The following PPARGC1A variants were observed in gnomAD, a reference collection of about 807,000 sequenced individuals.
PPARGC1A encodes peroxisome proliferator-activated receptor gamma coactivator 1-alpha.
PPARGC1A carries 25 observed loss-of-function variants against 88.7 expected under a neutral mutation model. The observed-to-expected ratio is 0.28, with a 90% CI of 0.21 to 0.39. The LOEUF (loss-of-function observed/expected upper bound fraction) is 0.39, where lower values mean the gene tolerates loss of function less well. Among genes scored for constraint, PPARGC1A ranks in the 10% least tolerant of loss-of-function variants. The pLI is 1.00. For missense variants in PPARGC1A, 880 were observed against 968.7 expected (o/e 0.91, Z 1.22); for synonymous variants, 363 against 355.6 (o/e 1.02, Z -0.24).
At chr4:24,184,575 A>G in the PPARGC1A span, among the ~76,000 whole-genome samples, 265 of 152,346 alleles carry the variant, frequency 1.7e-3, 3 homozygotes, top group Non-Finnish European at 4.6e-4. Context: ...CAGGTATTCA[A>G]TAAATATTAG....
the PPARGC1A span, among the ~76,000 whole-genome samples, chr4:24,086,015 G>T: frequency 6.6e-6 from 1 of 152,126 alleles, no homozygotes; most frequent in African/African-American, 2.4e-5. Flanking sequence ...CTCTGTGTTT[G>T]TTAACTATCA....
the PPARGC1A span, among the ~76,000 whole-genome samples, chr4:23,910,238 T>C: frequency 2.8e-5 from 3 of 106,854 alleles, no homozygotes; most frequent in Non-Finnish European, 5.4e-5. Context: ...TTATATATAA[T>C]ATATATAAAT....
the PPARGC1A span, among the ~76,000 whole-genome samples, chr4:24,195,519 T>C: frequency 1.3e-5 from 2 of 152,202 alleles, no homozygotes; most frequent in Non-Finnish European, 2.9e-5. Flanking sequence ...TCTGTTTTAC[T>C]TGTTTAAGAA....
chr4:24,291,168 T>G, the PPARGC1A span, among the ~76,000 whole-genome samples: 1 of 152,166 alleles, frequency 6.6e-6, no homozygotes, highest in Non-Finnish European at 1.5e-5. Flanking sequence ...AGGAATTAGG[T>G]GCCCAGTGTC....
the PPARGC1A span, among the ~76,000 whole-genome samples, chr4:24,281,088 A>G: frequency 6.6e-6 from 1 of 152,226 alleles, no homozygotes; most frequent in East Asian, 1.9e-4. Context: ...ATTAGGAACT[A>G]GAAGGAGGTA....
intron 10 of PPARGC1A, among the ~76,000 whole-genome samples, chr4:23,805,849 T>C (rs956192093): frequency 6.6e-6 from 1 of 152,118 alleles, no homozygotes; most frequent in Non-Finnish European, 1.5e-5. Context: ...ACTACCATTA[T>C]GGGAATAAAC....
intron 1 of PPARGC1A, chr4:23,889,226 C>T (rs983887243): frequency 1.0e-6 from 1 of 985,300 alleles, no homozygotes; most frequent in Admixed American, 6.1e-5. Context: ...CTCCGTGGTA[C>T]AGGAAGATTT....
chr4:24,143,064 CT>C, the PPARGC1A span, among the ~76,000 whole-genome samples: 3 of 152,102 alleles, frequency 2.0e-5, no homozygotes, highest in African/African-American at 2.4e-5. Flanking sequence ...TGCAGTGAAA[CT>C]ATACCAATTG....
chr4:23,838,907 TA>T (rs35695071), intron 2 of PPARGC1A, among the ~76,000 whole-genome samples: 1 of 151,858 alleles, frequency 6.6e-6, no homozygotes, highest in Non-Finnish European at 1.5e-5. Flanking sequence ...TAGTTGACTA[TA>T]AAAAAATGTA....
In PPARGC1A at chr4:23,831,594, C is replaced by A; in HGVS notation, c.392G>T (p.Gly131Val). 6.2e-7 allele frequency: 1 copy of A among 1,614,064 alleles called. No homozygotes were observed. ...TTCTGCCTCCTGGGGTGGAGGGGTG[C>A]CGTCAGGCATGGAGGAAGGACTAGC... The part of the protein sequence containing the change: ...NEASPSSMPD[G>V]TPPPQEAEEP... Residue 131 changes from glycine to valine, a missense_variant, in exon 3 of 13, where the codon GGC becomes GTC. By Grantham distance (109) the Gly-to-Val change is moderately radical. Transcript: ENST00000264867.
intron 10 of PPARGC1A, among the ~76,000 whole-genome samples, chr4:23,806,202 G>C (rs567128938): frequency 6.6e-6 from 1 of 152,234 alleles, no homozygotes; most frequent in Non-Finnish European, 1.5e-5. Context: ...ATGTTGAAAG[G>C]CTTATTTGAG....
At chr4:23,864,610 C>T (rs1167733080) in intron 2 of PPARGC1A, among the ~76,000 whole-genome samples, 2 of 152,142 alleles carry the variant, frequency 1.3e-5, no homozygotes, top group Non-Finnish European at 2.9e-5. Flanking sequence ...GAAAGTCTTT[C>T]GCAGCAGACT....
At chr4:24,180,732 A>G in the PPARGC1A span, among the ~76,000 whole-genome samples, 21 of 152,184 alleles carry the variant, frequency 1.4e-4, no homozygotes, top group African/African-American at 4.8e-4. Context: ...AGGCCCTTAC[A>G]TGACTTTGAG....
At chr4:23,840,116 C>T (rs964343874) in intron 2 of PPARGC1A, among the ~76,000 whole-genome samples, 18 of 152,038 alleles carry the variant, frequency 1.2e-4, no homozygotes, top group African/African-American at 2.9e-4. Flanking sequence ...CTGACCAAAC[C>T]CTCCGTGGCT....
chr4:24,139,002 G>A, the PPARGC1A span, among the ~76,000 whole-genome samples: 2 of 152,184 alleles, frequency 1.3e-5, no homozygotes, highest in Non-Finnish European at 2.9e-5. Flanking sequence ...GTTTCCATTA[G>A]CAGTATCTCC....
chr4:24,437,943 C>G, the PPARGC1A span, among the ~76,000 whole-genome samples: 4 of 152,110 alleles, frequency 2.6e-5, no homozygotes, highest in African/African-American at 4.8e-5. Flanking sequence ...TCCCAAAGTG[C>G]TGGGATTACA....
the PPARGC1A span, among the ~76,000 whole-genome samples, chr4:24,278,765 T>C: frequency 6.6e-6 from 1 of 152,196 alleles, no homozygotes; most frequent in East Asian, 1.9e-4. Context: ...TTGTGAGCTT[T>C]GTAAGGAAAA....
At chr4:24,320,103 T>A in the PPARGC1A span, among the ~76,000 whole-genome samples, 1 of 152,182 alleles carries the variant, frequency 6.6e-6, no homozygotes, top group Non-Finnish European at 1.5e-5. Flanking sequence ...ACTAGAGAGA[T>A]TTCTTCATTT....
At chr4:23,852,468 T>C (rs1027490067) in intron 2 of PPARGC1A, among the ~76,000 whole-genome samples, 2 of 152,088 alleles carry the variant, frequency 1.3e-5, no homozygotes, top group African/African-American at 4.8e-5. Flanking sequence ...GCAGTCTTCA[T>C]TGTACTTGCT....
Sources: allele counts gnomAD v4.1 joint callset (sites outside exome capture counted in the v4.1 genomes callset), GRCh38; gene constraint gnomAD v4.1.1; transcripts MANE v1.5; gene names NCBI Gene and HGNC (gene_info 2026-07-23, HGNC 2026-07-21).